The following NLRP9 variants were observed in gnomAD, a reference collection of about 807,000 sequenced individuals.
NLRP9 encodes NACHT, LRR and PYD domains-containing protein 9.
NLRP9 carries 88 observed loss-of-function variants against 83.1 expected under a neutral mutation model. That is an observed-to-expected ratio of 1.06 (90% CI 0.89 to 1.26). The LOEUF (loss-of-function observed/expected upper bound fraction) is 1.26. Ranked by LOEUF, NLRP9 falls within the 50% of genes most tolerant of loss-of-function variation. The probability of loss-of-function intolerance (pLI) is 0.00; values close to 1 mark genes in which losing one functional copy is unlikely to be tolerated. For synonymous variants in NLRP9, 521 were observed against 447.6 expected (o/e 1.16, Z -2.07); for missense variants, 1,308 against 1,179.3 (o/e 1.11, Z -1.60).
intron 4 of NLRP9, among the ~76,000 whole-genome samples, chr19:55,722,487 G>A (rs1036548455): frequency 9.9e-5 from 15 of 152,096 alleles, no homozygotes; most frequent in Admixed American, 2.0e-4. Flanking sequence ...GGGTCTAGAC[G>A]CATAAAATTA....
chr19:55,710,706 C>CT (rs763588856), intron 8 of NLRP9, among the ~76,000 whole-genome samples: 4 of 152,196 alleles, frequency 2.6e-5, no homozygotes, highest in Non-Finnish European at 5.9e-5. Flanking sequence ...TTCAAAGTTT[C>CT]CTGTGGCTAC....
At position 55,733,502 on chromosome 19, in the gene NLRP9, A is replaced by G; in HGVS notation, c.329T>C (p.Ile110Thr). 5 of 1,609,132 alleles carry G rather than the reference A, an allele frequency of 3.1e-6. No individual in the cohort carries two copies. The highest frequency in any genetic ancestry group is 1.1e-5 in the South Asian group (1 of 90,052). ...RKHMKETFQLIWEKETCLHVP... is the reference protein window; with the variant it reads ...RKHMKETFQLTWEKETCLHVP... Reference sequence around the variant, plus strand: ...GTGAAGACAGGTTTCCTTCTCCCATATGAGTTGAAATGTTTCCTTCATATG... The same window carrying G: ...GTGAAGACAGGTTTCCTTCTCCCATGTGAGTTGAAATGTTTCCTTCATATG... The change falls in exon 2 of 9, where the codon ATA becomes ACA. Residue 110 changes from isoleucine to threonine, a missense_variant. Ile to Thr is a moderately conservative substitution (Grantham distance 89). Transcript: ENST00000332836.
chr19:55,719,122 C>T lies in NLRP9; in HGVS notation c.2160-2224G>A, dbSNP rs189847505. ...GTTGCTCTGCCTGTGTTTGACCAAC[C>T]GGCTATACATGGGGGTTCCCCTGAC... On this transcript the variant is annotated intron_variant, in intron 4 of 8. Coordinates refer to ENST00000332836, the MANE Select transcript of NLRP9 (RefSeq NM_176820.4). Among the ~76,000 whole-genome samples, 12 of 152,304 alleles carry T rather than the reference C, an allele frequency of 7.9e-5. No individual in the cohort carries two copies. The East Asian group carries it at 1.7e-3, about 22-fold the overall frequency.
rs767667664 is a variant in NLRP9, at chr19:55,712,585, A to T, written c.2507T>A (p.Met836Lys). ...PGCSIRELWL[M>K]GCFLTSDSCK... ...GGAATCGGAAGTAAGGAAACAGCCC[A>T]TCAACCTGGGGAGGTGGAAGACACA... Residue 836 changes from methionine to lysine, a missense_variant, in exon 7 of 9, where the codon ATG becomes AAG. Physicochemically the swap from Met to Lys is moderately conservative, Grantham distance 95. Transcript: ENST00000332836. 12 of 1,611,992 alleles carry T rather than the reference A, an allele frequency of 7.4e-6. No homozygotes were observed. Among genetic ancestry groups the T allele is most frequent in the Non-Finnish European group, 1.0e-5 (12 of 1,179,776 alleles).
chr19:55,732,301 G>A lies in NLRP9; in HGVS notation c.1530C>T (p.Ser510=). ...TEEIVSMLET[S]FGFPLSKDLK... ...GGTCTTTTGACAGTGGAAAACCAAA[G>A]GAGGTCTCCAGCATGCTGACGATTT... Residue 510 remains serine (S), a synonymous_variant, in exon 2 of 9, where the codon TCC becomes TCT. Coordinates refer to ENST00000332836, the MANE Select transcript of NLRP9 (RefSeq NM_176820.4). The A allele has an allele frequency of 6.2e-7, 1 of 1,614,222 alleles. No homozygotes were observed. Among genetic ancestry groups the A allele is most frequent in the Non-Finnish European group, 8.5e-7 (1 of 1,180,026 alleles).
intron 3 of NLRP9, among the ~76,000 whole-genome samples, chr19:55,725,620 G>A (rs1000374404): frequency 3.3e-5 from 5 of 152,112 alleles, no homozygotes; most frequent in Admixed American, 6.6e-5. Context: ...CCACCTGCCC[G>A]GAGATAAAGG....
At chr19:55,727,255 GT>G (rs138975439) in intron 3 of NLRP9, among the ~76,000 whole-genome samples, 2,586 of 152,144 alleles carry the variant, frequency 0.017, 76 homozygotes, top group African/African-American at 0.059. Context: ...CTCAAAAAAA[GT>G]TTTTTTAAAT....
chr19:55,713,395 G>T (rs1001963216), intron 6 of NLRP9, among the ~76,000 whole-genome samples: 2 of 151,738 alleles, frequency 1.3e-5, no homozygotes, highest in Non-Finnish European at 2.9e-5. Flanking sequence ...GATACACATA[G>T]ATGTGTGGAT....
chr19:55,730,135 G>A (rs1265402393), intron 2 of NLRP9, 143 bp from the exon 3 acceptor site: 7 of 688,358 alleles, frequency 1.0e-5, no homozygotes, highest in Admixed American at 2.9e-5. Context: ...CCAGGTAAAC[G>A]GAGCCAACAT....
At position 55,715,240 on chromosome 19, in the gene NLRP9, A is replaced by G. The variant is rs1381744454; in HGVS notation, c.2331-15T>C. The stretch of plus-strand genomic sequence containing the variant: ...AGTACATCAACCTGCAAAGAAACAC[A>G]CCGTCTCCCAGCCTGCTGAACAGCA... On this transcript the variant is annotated splice_polypyrimidine_tract_variant and intron_variant, in intron 5 of 8. Transcript: ENST00000332836. 3 of 1,609,006 alleles carry G rather than the reference A, an allele frequency of 1.9e-6. No individual in the cohort carries two copies. The African/African-American group carries it at 4.0e-5, about 22-fold the overall frequency.
intron 1 of NLRP9, among the ~76,000 whole-genome samples, chr19:55,735,937 C>T (rs1339358315): frequency 6.6e-6 from 1 of 152,070 alleles, no homozygotes; most frequent in African/African-American, 2.4e-5. Context: ...ATCCGCCCAC[C>T]TCAGCCTCCC....
chr19:55,731,834 G>C (rs1417724979), intron 2 of NLRP9, among the ~76,000 whole-genome samples, 165 bp downstream of exon 2: 1 of 152,012 alleles, frequency 6.6e-6, no homozygotes, highest in Non-Finnish European at 1.5e-5. Flanking sequence ...TCAAGAAGTT[G>C]CAGCTCATGA....
chr19:55,734,363 C>CAAAAAAAA (rs59545375), intron 1 of NLRP9, among the ~76,000 whole-genome samples: 17 of 76,694 alleles, frequency 2.2e-4, no homozygotes, highest in Middle Eastern at 8.9e-3. Flanking sequence ...CACTCTATCT[C>CAAAAAAAA]AAAAAAAAAA....
intron 3 of NLRP9, among the ~76,000 whole-genome samples, chr19:55,728,863 G>A (rs1362823427): frequency 6.6e-6 from 1 of 152,070 alleles, no homozygotes; most frequent in Non-Finnish European, 1.5e-5. Flanking sequence ...GAAGAGAACA[G>A]CATGGCCCAG....
In NLRP9 at chr19:55,732,862, A is replaced by G. The variant is rs1413729337; in HGVS notation, c.969T>C (p.Phe323=). 1 of 1,614,062 alleles carries G rather than the reference A, an allele frequency of 6.2e-7. No individual in the cohort carries two copies. The highest frequency in any genetic ancestry group is 8.5e-7 in the Non-Finnish European group (1 of 1,180,044). Residue 323 remains phenylalanine, a synonymous_variant, in exon 2 of 9, where the codon TTT becomes TTC. Coordinates refer to ENST00000332836, the MANE Select transcript of NLRP9 (RefSeq NM_176820.4). The part of the protein sequence containing the change: ...EKSKALKVFN[F]VRDNGPLFIL... Reference sequence around the variant, plus strand: ...TAAACAGCGGCCCATTATCTCTCACAAAATTGAAGACTTTCAGGGCTTTGC... The same window carrying G: ...TAAACAGCGGCCCATTATCTCTCACGAAATTGAAGACTTTCAGGGCTTTGC...
chr19:55,722,256 G>A (rs771301171), intron 4 of NLRP9, among the ~76,000 whole-genome samples: 3 of 152,126 alleles, frequency 2.0e-5, no homozygotes, highest in Non-Finnish European at 4.4e-5. Context: ...CAATCCTTAT[G>A]TTAATGTATA....
At chr19:55,726,853 A>G (rs1019157760) in intron 3 of NLRP9, among the ~76,000 whole-genome samples, 1 of 152,198 alleles carries the variant, frequency 6.6e-6, no homozygotes, top group Non-Finnish European at 1.5e-5. Flanking sequence ...AACAGAAAAG[A>G]GAAGGAAAAA....
Position 55,732,528 on chromosome 19 carries a change from G to A in NLRP9, c.1303C>T (p.Gln435Ter). 6.2e-7 allele frequency: 1 copy of A among 1,614,114 alleles called. No homozygotes were observed. Among genetic ancestry groups the A allele is most frequent in the Non-Finnish European group, 8.5e-7 (1 of 1,180,022 alleles). Residue 435 changes from glutamine to a stop codon, truncating the protein, a stop_gained, in exon 2 of 9, where the codon CAA becomes TAA. Transcript: ENST00000332836. LOFTEE classifies it high-confidence loss of function. ...GVMWVGMRLL[Q>*]RRGDCFAFMH... ...AAGGCAAAACAGTCCCCTCTCCTTT[G>A]GAGGAGTCTCATACCCACCCACATC... is the stretch of plus-strand genomic sequence containing the variant.
chr19:55,710,034 A>G (rs1396136481), intron 8 of NLRP9, among the ~76,000 whole-genome samples: 14 of 152,198 alleles, frequency 9.2e-5, no homozygotes, highest in African/African-American at 3.1e-4. Context: ...TTTCGTAGAC[A>G]TTTAGACACA....
Sources: gnomAD v4.1 joint callset for allele counts (sites outside exome capture counted in the v4.1 genomes callset) on GRCh38, gnomAD v4.1.1 for gene constraint, MANE v1.5 for transcripts, NCBI Gene and HGNC (gene_info 2026-07-23, HGNC 2026-07-21) for gene names.